FMN1: variants seen among roughly 807,000 people sequenced by gnomAD.
FMN1 encodes the protein formin 1, also known as formin-1.
A neutral mutation model predicts 132.4 loss-of-function variants in FMN1; 110 were observed. The observed-to-expected ratio is 0.83, with a 90% CI of 0.71 to 0.97. The LOEUF (loss-of-function observed/expected upper bound fraction) is 0.97. Among genes scored for constraint, FMN1 ranks in the 50% least tolerant of loss-of-function variants. The pLI is 0.00. For missense variants in FMN1, 1,792 were observed against 1,705.3 expected, an observed-to-expected ratio of 1.05 and a Z score of -0.90; for synonymous variants, 722 against 651.7, an observed-to-expected ratio of 1.11 and a Z score of -1.64.
At chr15:33,117,618 G>A (rs944110608) in intron 4 of FMN1, among the ~76,000 whole-genome samples, 7 of 152,058 alleles carry the variant, frequency 4.6e-5, no homozygotes, top group African/African-American at 1.4e-4. Flanking sequence ...ATAGATACGT[G>A]GAATGAGATA....
At chr15:32,800,392 C>G (rs191491561) in intron 18 of FMN1, among the ~76,000 whole-genome samples, 2 of 152,070 alleles carry the variant, frequency 1.3e-5, no homozygotes, top group African/African-American at 4.8e-5. Flanking sequence ...TGAGAAAAAC[C>G]GGGAAGGGAA....
chr15:32,917,048 G>C (rs531858418), intron 10 of FMN1, among the ~76,000 whole-genome samples: 11 of 152,300 alleles, frequency 7.2e-5, no homozygotes, highest in African/African-American at 2.6e-4. Context: ...GTTGAGGAAA[G>C]GGAAGGCAGA....
chr15:33,035,491 T>C (rs1030115481), intron 6 of FMN1, among the ~76,000 whole-genome samples: 6 of 152,188 alleles, frequency 3.9e-5, no homozygotes, highest in Non-Finnish European at 8.8e-5. Context: ...ACTGCTTTAC[T>C]GCTCCAGTCA....
At chr15:32,817,979 T>C (rs1023660272) in intron 17 of FMN1, among the ~76,000 whole-genome samples, 3 of 152,208 alleles carry the variant, frequency 2.0e-5, no homozygotes, top group African/African-American at 2.4e-5. Flanking sequence ...CTTTGTATTT[T>C]CCCCAGATTT....
At position 33,067,957 on chromosome 15, in the gene FMN1, T is replaced by C. The variant is rs2037825604; in HGVS notation, c.2044-2883A>G. 37 of 1,518,700 alleles carry C rather than the reference T, an allele frequency of 2.4e-5. No homozygotes were observed. The South Asian group carries it at 5.0e-4, about 20-fold the overall frequency. 94.1% of individuals were successfully genotyped at this position (1,518,700 alleles called of 1,614,324 possible). On this transcript the variant is annotated intron_variant, in intron 5 of 20. Coordinates refer to ENST00000616417, the MANE Select transcript of FMN1 (RefSeq NM_001277313.2). ...CTGCGCTCTCAGTTTATCCACTCCA[T>C]CTGCTCTTAATTTACAGGACAGAGA... is the stretch of plus-strand genomic sequence containing the variant.
intron 9 of FMN1, among the ~76,000 whole-genome samples, chr15:32,935,280 A>G (rs2061237077): frequency 6.6e-6 from 1 of 152,124 alleles, no homozygotes; most frequent in African/African-American, 2.4e-5. Flanking sequence ...ATTGCTTTGA[A>G]TATATTACCC....
intron 6 of FMN1, among the ~76,000 whole-genome samples, chr15:33,061,057 A>G (rs1224160540): frequency 6.6e-6 from 1 of 152,212 alleles, no homozygotes; most frequent in African/African-American, 2.4e-5. Flanking sequence ...TGAACTTCCA[A>G]GTGCCCACAG....
At chr15:32,995,486 T>A (rs2033710953) in intron 7 of FMN1, among the ~76,000 whole-genome samples, 1 of 152,222 alleles carries the variant, frequency 6.6e-6, no homozygotes, top group South Asian at 2.1e-4. Flanking sequence ...TAGTAAATCC[T>A]CTGAGTACGG....
At chr15:33,049,726 A>AT (rs572655971) in intron 6 of FMN1, among the ~76,000 whole-genome samples, 380 of 152,352 alleles carry the variant, frequency 2.5e-3, no homozygotes, top group Non-Finnish European at 4.4e-3. Flanking sequence ...GTTTTAGCCA[A>AT]TAAAATGTAG....
At chr15:33,077,509 C>A (rs147987033) in intron 5 of FMN1, among the ~76,000 whole-genome samples, 2 of 151,808 alleles carry the variant, frequency 1.3e-5, no homozygotes, top group African/African-American at 2.4e-5. Flanking sequence ...TGCTATCCCT[C>A]CCCCTTCCCC....
chr15:32,974,732 T>C (rs558236257), intron 7 of FMN1, among the ~76,000 whole-genome samples: 2 of 152,374 alleles, frequency 1.3e-5, no homozygotes, highest in South Asian at 4.1e-4. Context: ...ATCCGTATTC[T>C]GCTCTAACAC....
chr15:33,080,111 T>C (rs16964679), intron 5 of FMN1, among the ~76,000 whole-genome samples: 4,338 of 152,300 alleles, frequency 0.028, 202 homozygotes, highest in African/African-American at 0.1. Flanking sequence ...ACAAGTCACA[T>C]TGTCACGAAT....
rs190580622 is a variant in FMN1, at chr15:32,846,826, T to C, written c.3928+10189A>G. 2.6e-4 allele frequency among the ~76,000 whole-genome samples: 39 copies of C among 152,302 alleles called. No homozygotes were observed. The East Asian group carries it at 4.0e-3, about 16-fold the overall frequency. ...AACCAACCCAAATGCCCATTGATGA[T>C]AGACTGGATAAAGAAAATGTGGTAC... On this transcript the variant is annotated intron_variant, in intron 17 of 20. Coordinates refer to ENST00000616417, the MANE Select transcript of FMN1 (RefSeq NM_001277313.2).
chr15:32,883,987 GCTA>G (rs908724368), intron 16 of FMN1, among the ~76,000 whole-genome samples: 11 of 152,146 alleles, frequency 7.2e-5, no homozygotes, highest in Admixed American at 5.2e-4. Flanking sequence ...ATTTTTAGGT[GCTA>G]CTATTTGACG....
chr15:33,119,131 C>CA (rs1198860763), intron 4 of FMN1, among the ~76,000 whole-genome samples: 5 of 152,162 alleles, frequency 3.3e-5, no homozygotes, highest in Non-Finnish European at 5.9e-5. Context: ...AAGCTAAAAA[C>CA]ACTAAGTAGA....
chr15:32,895,432 T>C (rs2060130164), intron 15 of FMN1, among the ~76,000 whole-genome samples: 1 of 152,046 alleles, frequency 6.6e-6, no homozygotes, highest in Non-Finnish European at 1.5e-5. Flanking sequence ...AATGTGTTCC[T>C]GTAGGTAGGA....
intron 4 of FMN1, among the ~76,000 whole-genome samples, chr15:33,128,813 C>CA (rs1300376338): frequency 3.3e-5 from 5 of 152,202 alleles, no homozygotes; most frequent in Non-Finnish European, 7.3e-5. Flanking sequence ...CTGTCACGAG[C>CA]AAAATAACAA....
chr15:32,917,575 G>A (rs1398195063), intron 10 of FMN1, among the ~76,000 whole-genome samples: 2 of 152,082 alleles, frequency 1.3e-5, no homozygotes, highest in Non-Finnish European at 2.9e-5. Flanking sequence ...CATATGAGGC[G>A]GGTGCGTTTG....
intron 7 of FMN1, among the ~76,000 whole-genome samples, chr15:32,970,148 TAA>T (rs924581891): frequency 6.6e-6 from 1 of 152,336 alleles, no homozygotes; most frequent in African/African-American, 2.4e-5. Context: ...TTAAAGTATA[TAA>T]GACAGTAGTA....
Sources: gnomAD v4.1 joint callset for allele counts (sites outside exome capture counted in the v4.1 genomes callset) on GRCh38, gnomAD v4.1.1 for gene constraint, MANE v1.5 for transcripts, NCBI Gene and HGNC (gene_info 2026-07-23, HGNC 2026-07-21) for gene names.